COLEC12: variants seen among roughly 807,000 people sequenced by gnomAD.
The protein encoded by COLEC12 is collectin-12.
Under a neutral mutation model 71.1 loss-of-function variants are expected in COLEC12, and 33 were observed. That is an observed-to-expected ratio of 0.46 (90% CI 0.35 to 0.62). COLEC12 has a LOEUF of 0.62. Among genes scored for constraint, COLEC12 ranks in the 20% least tolerant of loss-of-function variants. COLEC12 has a pLI of 0.00. For missense variants in COLEC12, 765 were observed against 916.1 expected, an observed-to-expected ratio of 0.84 and a Z score of 2.13; for synonymous variants, 350 against 353.0, an observed-to-expected ratio of 0.99 and a Z score of 0.10.
intron 2 of COLEC12, among the ~76,000 whole-genome samples, chr18:415,053 T>C (rs918936007): frequency 2.0e-5 from 3 of 152,214 alleles, no homozygotes; most frequent in Admixed American, 1.3e-4. Flanking sequence ...ACATTCAAAA[T>C]GCATCAGTGC....
rs1913651339 is a variant in COLEC12 at position 319,590 on chromosome 18, A to G, written c.*455T>C. Reference sequence around the variant, plus strand: ...ACAAAGTTTTAAAAGCTCTTTAAGTATATTTCATATTATTACTAATAGTTG... The same window carrying G: ...ACAAAGTTTTAAAAGCTCTTTAAGTGTATTTCATATTATTACTAATAGTTG... On this transcript the variant is annotated 3_prime_UTR_variant, in exon 10 of 10. Coordinates refer to ENST00000400256, the MANE Select transcript of COLEC12 (RefSeq NM_130386.3). 6.6e-6 allele frequency: 1 copy of G among 152,624 alleles called. No homozygotes were observed. The allele number at this position is 152,624 out of a possible 1,614,324, so 9.5% of individuals were successfully genotyped here. A position where few individuals can be genotyped will look rare whatever the true frequency, so the allele number is the denominator to read the frequency against.
In COLEC12 at chr18:399,198, G is replaced by T. The variant is rs565972504; in HGVS notation, c.59-41676C>A. 1.3e-5 allele frequency among the ~76,000 whole-genome samples: 2 copies of T among 152,310 alleles called. No homozygotes were observed. The highest frequency in any genetic ancestry group is 4.8e-5 in the African/African-American group (2 of 41,568). On this transcript the variant is annotated intron_variant, in intron 2 of 9. Transcript: ENST00000400256. The surrounding 1 kb of genome is among the most constrained non-coding windows in gnomAD (Gnocchi z 4.0). Reference sequence around the variant, plus strand: ...AAACACTATCCAAAAAACGCACAGCGGTGTCTGAAGTTGAGATTTTTCTGC... The same window carrying T: ...AAACACTATCCAAAAAACGCACAGCTGTGTCTGAAGTTGAGATTTTTCTGC...
At chr18:426,498 TG>T in intron 2 of COLEC12, among the ~76,000 whole-genome samples, 1 of 152,324 alleles carries the variant, frequency 6.6e-6, no homozygotes, top group South Asian at 2.1e-4. Context: ...TCCCTTTCTA[TG>T]GAAGAAGCCA....
chr18:396,243 T>A (rs1331665323), intron 2 of COLEC12, among the ~76,000 whole-genome samples: 1 of 152,204 alleles, frequency 6.6e-6, no homozygotes, highest in Non-Finnish European at 1.5e-5. Context: ...CTCCTGAGTT[T>A]CTGCAAACAA....
intron 2 of COLEC12, among the ~76,000 whole-genome samples, chr18:479,515 T>C (rs1917369665): frequency 6.6e-6 from 1 of 151,048 alleles, no homozygotes; most frequent in Non-Finnish European, 1.5e-5. Flanking sequence ...AGTAGATTCA[T>C]TCATTTTCAT....
Position 365,200 on chromosome 18 carries a change from C to T in COLEC12, c.59-7678G>A, listed in dbSNP as rs552001895. Among the ~76,000 whole-genome samples the T allele has an allele frequency of 1.3e-4, 20 of 152,220 alleles. No homozygotes were observed. In the South Asian group the frequency reaches 1.7e-3, roughly 13 times the overall value. ...TAACTTACAGGCCTGATGCTTCTGC[C>T]GGCTATAATTTCTCCTTTATTAGAC... On this transcript the variant is annotated intron_variant, in intron 2 of 9. Coordinates refer to ENST00000400256, the MANE Select transcript of COLEC12 (RefSeq NM_130386.3).
chr18:329,707 TGAG>T (rs2143424704), intron 8 of COLEC12, among the ~76,000 whole-genome samples: 1 of 152,364 alleles, frequency 6.6e-6, no homozygotes, highest in East Asian at 1.9e-4. Flanking sequence ...AAGGGCAGTC[TGAG>T]GCTCACCTTC....
intron 2 of COLEC12, among the ~76,000 whole-genome samples, chr18:422,564 G>A (rs1454457255): frequency 6.6e-6 from 1 of 152,058 alleles, no homozygotes; most frequent in Non-Finnish European, 1.5e-5. Flanking sequence ...AGGTAAAAAT[G>A]TGAGTTTCCT....
intron 2 of COLEC12, among the ~76,000 whole-genome samples, chr18:435,461 G>T (rs1213013933): frequency 2.0e-5 from 3 of 152,146 alleles, no homozygotes; most frequent in Non-Finnish European, 2.9e-5. Context: ...CACAAGAACA[G>T]CATGGGGAAA....
chr18:353,113 C>T, intron 3 of COLEC12, among the ~76,000 whole-genome samples: 1 of 152,164 alleles, frequency 6.6e-6, no homozygotes, highest in Admixed American at 6.5e-5. Context: ...TTGGCCTGGG[C>T]CACTAACTTC....
intron 2 of COLEC12, among the ~76,000 whole-genome samples, chr18:425,269 G>A (rs564336637): frequency 2.0e-5 from 3 of 152,262 alleles, no homozygotes; most frequent in East Asian, 3.9e-4. Flanking sequence ...TTGGAGAGCC[G>A]GCCTACTGGA....
At chr18:450,801 T>C (rs544262960) in intron 2 of COLEC12, among the ~76,000 whole-genome samples, 4 of 152,326 alleles carry the variant, frequency 2.6e-5, no homozygotes, top group East Asian at 1.9e-4. Context: ...GAACTTCCTA[T>C]AGACTTGTTA....
intron 2 of COLEC12, among the ~76,000 whole-genome samples, chr18:446,478 G>A (rs188943839): frequency 6.4e-4 from 96 of 150,392 alleles, no homozygotes; most frequent in African/African-American, 2.3e-3. Flanking sequence ...AAAGCAGGAG[G>A]ATTACTTGAG....
intron 5 of COLEC12, among the ~76,000 whole-genome samples, chr18:336,432 A>C (rs2143444454): frequency 6.6e-6 from 1 of 152,300 alleles, no homozygotes; most frequent in East Asian, 1.9e-4. Context: ...GCTCATCCCC[A>C]TTATCCCACA....
chr18:496,464 G>A (rs781603503), intron 1 of COLEC12, among the ~76,000 whole-genome samples: 5 of 152,122 alleles, frequency 3.3e-5, no homozygotes, highest in African/African-American at 4.8e-5. Flanking sequence ...AATCAGTGAA[G>A]GGAAAAAGGC....
intron 9 of COLEC12, among the ~76,000 whole-genome samples, chr18:321,324 G>A (rs1345090058): frequency 6.6e-6 from 1 of 152,196 alleles, no homozygotes; most frequent in African/African-American, 2.4e-5. Context: ...AAAGTGCTGG[G>A]ATTACAGGCG....
rs535330034 is a variant in COLEC12, at chr18:416,897, G to A, written c.59-59375C>T. ...GTGGGGGCGGAGGGTTGGTAGAAAA[G>A]GAAGAAGGAAGGGAAGGGCATTCCA... is the stretch of plus-strand genomic sequence containing the variant. On this transcript the variant is annotated intron_variant, in intron 2 of 9. Coordinates refer to ENST00000400256, the MANE Select transcript of COLEC12 (RefSeq NM_130386.3). 2.2e-3 allele frequency among the ~76,000 whole-genome samples: 339 copies of A among 152,068 alleles called. 2 individuals carry two copies. Among genetic ancestry groups the A allele is most frequent in the Non-Finnish European group, 3.4e-3 (228 of 67,962 alleles).
chr18:469,993 T>C (rs16945011), intron 2 of COLEC12, among the ~76,000 whole-genome samples: 3,273 of 152,276 alleles, frequency 0.021, 87 homozygotes, highest in African/African-American at 0.072. Flanking sequence ...TGTACCACAG[T>C]TCATGGCATA....
chr18:425,306 C>A (rs558970700), intron 2 of COLEC12, among the ~76,000 whole-genome samples: 2 of 152,316 alleles, frequency 1.3e-5, no homozygotes, highest in South Asian at 4.1e-4. Context: ...CGGGGTCATG[C>A]CCCCGACCCT....
Sources: gnomAD v4.1 joint callset for allele counts (sites outside exome capture counted in the v4.1 genomes callset) on GRCh38, gnomAD v4.1.1 for gene constraint, Gnocchi (gnomAD v3.1) non-coding constraint, MANE v1.5 for transcripts, NCBI Gene and HGNC (gene_info 2026-07-23, HGNC 2026-07-21) for gene names.